The following EXOC7 variants were observed in gnomAD, a reference collection of about 807,000 sequenced individuals.
EXOC7 encodes the protein exocyst complex component 7.
EXOC7 carries 51 observed loss-of-function variants against 87.6 expected under a neutral mutation model. The ratio of observed to expected loss-of-function variants is 0.58; its 90% confidence interval spans 0.46 to 0.73. The LOEUF (loss-of-function observed/expected upper bound fraction) is 0.73, where lower values mean the gene tolerates loss of function less well. Ranked by LOEUF, EXOC7 falls within the 30% of genes least tolerant of loss-of-function variation. EXOC7 has a pLI of 0.00. For missense variants in EXOC7, 744 were observed against 888.4 expected (o/e 0.84, Z 2.07); for synonymous variants, 327 against 357.1 (o/e 0.92, Z 0.95).
chr17:76,081,690 A>G lies in EXOC7; in HGVS notation c.*1958T>C. On this transcript the variant is annotated 3_prime_UTR_variant, in exon 19 of 19. Transcript: ENST00000589210. ...TACAAGGTGACATTGCTGCTGAGTT[A>G]CCTCGTCCTCCACTCCTCCCTGGTG... 6.2e-7 allele frequency: 1 copy of G among 1,613,954 alleles called. No homozygotes were observed. The highest frequency in any genetic ancestry group is 8.5e-7 in the Non-Finnish European group (1 of 1,179,994).
At chr17:76,090,051 T>C (rs1027229333) in intron 7 of EXOC7, among the ~76,000 whole-genome samples, 1 of 152,172 alleles carries the variant, frequency 6.6e-6, no homozygotes, top group African/African-American at 2.4e-5. Context: ...ACGTCAGGGC[T>C]CCCTGCCCTC....
At position 76,103,721 on chromosome 17, in the gene EXOC7, C is replaced by T; in HGVS notation, c.-29G>A. On this transcript the variant is annotated 5_prime_UTR_variant, in exon 1 of 19. Coordinates refer to ENST00000589210, the MANE Select transcript of EXOC7 (RefSeq NM_001013839.4). Reference sequence around the variant, plus strand: ...TCTGAACCCCGCGGCTCCCACTCCCCAGTATCTTTCCTCCGCGGGCCCACC... The same window carrying T: ...TCTGAACCCCGCGGCTCCCACTCCCTAGTATCTTTCCTCCGCGGGCCCACC... 6.3e-7 allele frequency: 1 copy of T among 1,586,526 alleles called. No individual in the cohort carries two copies. The highest frequency in any genetic ancestry group is 2.3e-5 in the East Asian group (1 of 42,768).
chr17:76,094,400 G>A lies in EXOC7; in HGVS notation c.808+14C>T, dbSNP rs1438689974. 1.2e-6 allele frequency: 2 copies of A among 1,609,752 alleles called. No individual in the cohort carries two copies. The highest frequency in any genetic ancestry group is 1.1e-5 in the South Asian group (1 of 90,436). On this transcript the variant is annotated intron_variant, in intron 6 of 18. Coordinates refer to ENST00000589210, the MANE Select transcript of EXOC7 (RefSeq NM_001013839.4). Reference sequence around the variant, plus strand: ...CTCTGGCTGTTGCAGAGATGGGCCAGGATGGGGGCTCACCTGGCCGCTTGA... The same window carrying A: ...CTCTGGCTGTTGCAGAGATGGGCCAAGATGGGGGCTCACCTGGCCGCTTGA...
chr17:76,086,923 G>A, intron 12 of EXOC7: 1 of 1,544,998 alleles, frequency 6.5e-7, no homozygotes, highest in Non-Finnish European at 8.8e-7. Context: ...CACACAGAGG[G>A]GACAGAGGGA....
chr17:76,098,167 T>G (rs2067874145), intron 4 of EXOC7, 149 bp from the exon 5 acceptor site: 1 of 634,528 alleles, frequency 1.6e-6, no homozygotes, highest in Non-Finnish European at 2.7e-6. Flanking sequence ...AGAGGGAGTC[T>G]CGCTCTGTCA....
At position 76,094,509 on chromosome 17, in the gene EXOC7, A is replaced by T. The variant is rs770930076; in HGVS notation, c.713T>A (p.Phe238Tyr). ...CCCAGAGGAAGAACTGCTCTTATGG[A>T]AATGCTCCTTCAGTCCTTTGATGGA... ...DRSIKGLKEHFHKSSSSSGVP... is the reference protein window; with the variant it reads ...DRSIKGLKEHYHKSSSSSGVP... Residue 238 changes from phenylalanine to tyrosine, a missense_variant, in exon 6 of 19, where the codon TTC (phenylalanine) becomes TAC (tyrosine). By Grantham distance (22) the Phe-to-Tyr change is conservative. Transcript: ENST00000589210. The T allele has an allele frequency of 4.3e-6, 7 of 1,614,000 alleles. No homozygotes were observed. In the South Asian group the frequency reaches 7.7e-5, roughly 18 times the overall value.
At chr17:76,083,821 C>T in intron 18 of EXOC7, 71 bp from the exon 19 acceptor site, 1 of 1,553,546 alleles carries the variant, frequency 6.4e-7, no homozygotes, top group Non-Finnish European at 8.9e-7. Flanking sequence ...GCCTAAGGCA[C>T]TCCTGATAGT....
Position 76,089,178 on chromosome 17 carries a change from T to C in EXOC7, c.1044A>G (p.Ile348Met), listed in dbSNP as rs1219125114. 1 of 1,613,204 alleles carries C rather than the reference T, an allele frequency of 6.2e-7. No homozygotes were observed. Among genetic ancestry groups the C allele is most frequent in the South Asian group, 1.1e-5 (1 of 91,052 alleles). Residue 348 changes from isoleucine (I) to methionine (M), a missense_variant, in exon 8 of 19, where the codon ATA (isoleucine) becomes ATG (methionine). By Grantham distance (10) the Ile-to-Met change is conservative. Transcript: ENST00000589210. ...HHQKKTFDSL[I>M]QDALDGLMLE... ...AGCCCCCGGGGCGGGGCGGGACCTGTATCAGGGAGTCGAAGGTCTTCTTCT... is the reference window on the plus strand; with the variant it reads ...AGCCCCCGGGGCGGGGCGGGACCTGCATCAGGGAGTCGAAGGTCTTCTTCT...
At position 76,084,001 on chromosome 17, in the gene EXOC7, C is replaced by T. The variant is rs1443819664; in HGVS notation, c.1952+5G>A. On this transcript the variant is annotated splice_donor_5th_base_variant and intron_variant, in intron 18 of 18. Coordinates refer to ENST00000589210, the MANE Select transcript of EXOC7 (RefSeq NM_001013839.4). ...CACAGGCTGGGAGGGGAATGGAGGC[C>T]TCACTTCTGTAGAAAGGCCCCGTAG... 1.9e-6 allele frequency: 3 copies of T among 1,562,688 alleles called. No homozygotes were observed. In the African/African-American group the frequency reaches 4.1e-5, roughly 21 times the overall value.
At position 76,101,499 on chromosome 17, in the gene EXOC7, C is replaced by G. The variant is rs928173142; in HGVS notation, c.312-123G>C. 6 of 1,437,352 alleles carry G rather than the reference C, an allele frequency of 4.2e-6. No homozygotes were observed. The Admixed American group carries it at 6.9e-5, about 17-fold the overall frequency. The allele number at this position is 1,437,352 out of a possible 1,614,324, so 89.0% of individuals were successfully genotyped here. A position where few individuals can be genotyped will look rare whatever the true frequency, so the allele number is the denominator to read the frequency against. On this transcript the variant is annotated intron_variant, in intron 3 of 18. Coordinates refer to ENST00000589210, the MANE Select transcript of EXOC7 (RefSeq NM_001013839.4). ...CAGGCTCAAATATATTCTATCCCCC[C>G]ACTGCCTTTTAAGGCCTAGGGCTTA...
rs2066999312 is a variant in EXOC7 at position 76,081,950 on chromosome 17, C to G, written c.*1698G>C. ...CATAGAGACTGTGCTGCTGGCTGGGCTGCTGGCCCGGGGCAACCTTGGGGC... is the reference window on the plus strand; with the variant it reads ...CATAGAGACTGTGCTGCTGGCTGGGGTGCTGGCCCGGGGCAACCTTGGGGC... On this transcript the variant is annotated 3_prime_UTR_variant, in exon 19 of 19. Transcript: ENST00000589210. 1.2e-6 allele frequency: 2 copies of G among 1,613,114 alleles called. No homozygotes were observed. The highest frequency in any genetic ancestry group is 1.7e-6 in the Non-Finnish European group (2 of 1,179,884).
chr17:76,086,729 C>A (rs531884960), intron 12 of EXOC7: 99 of 784,212 alleles, frequency 1.3e-4, no homozygotes, highest in African/African-American at 1.3e-3. Context: ...GTTGAGAGCA[C>A]CCCGAGAAAA....
chr17:76,090,512 G>C, intron 7 of EXOC7: 1 of 1,546,680 alleles, frequency 6.5e-7, no homozygotes. Flanking sequence ...CGTCAGATGG[G>C]GATGGGGAAG....
chr17:76,101,371 G>C lies in EXOC7; in HGVS notation c.317C>G (p.Thr106Arg). 2 of 1,614,086 alleles carry C rather than the reference G, an allele frequency of 1.2e-6. No individual in the cohort carries two copies. The highest frequency in any genetic ancestry group is 1.7e-6 in the Non-Finnish European group (2 of 1,179,996). ...TCCCAGGTACTCTTCCAGCCTACCT[G>C]TGGGGCTGGGAAAGAAAAGAGCCAG... ...DTEKIIREGP[T>R]GRLEEYLGSM... Residue 106 changes from threonine (T) to arginine (R), a missense_variant, in exon 4 of 19, where the codon ACA becomes AGA. Coordinates refer to ENST00000589210, the MANE Select transcript of EXOC7 (RefSeq NM_001013839.4).
At position 76,098,028 on chromosome 17, in the gene EXOC7, C is replaced by A. The variant is rs893365109; in HGVS notation, c.418-10G>T. ...GCTCAAAGAGCAGTTTCTGCACAGA[C>A]AACAGAAGGAAGCAGGTGCCTGCTG... is the stretch of plus-strand genomic sequence containing the variant. On this transcript the variant is annotated splice_polypyrimidine_tract_variant and intron_variant, in intron 4 of 18. Coordinates refer to ENST00000589210, the MANE Select transcript of EXOC7 (RefSeq NM_001013839.4). 1.9e-6 allele frequency: 3 copies of A among 1,613,062 alleles called. No individual in the cohort carries two copies. The highest frequency in any genetic ancestry group is 1.3e-5 in the African/African-American group (1 of 74,916).
In EXOC7 at chr17:76,084,005, C is replaced by T. The variant is rs2067092966; in HGVS notation, c.1952+1G>A. 1 of 1,570,034 alleles carries T rather than the reference C, an allele frequency of 6.4e-7. No individual in the cohort carries two copies. The highest frequency in any genetic ancestry group is 8.6e-7 in the Non-Finnish European group (1 of 1,161,618). ...GGCTGGGAGGGGAATGGAGGCCTCA[C>T]TTCTGTAGAAAGGCCCCGTAGGTCT... is the stretch of plus-strand genomic sequence containing the variant. On this transcript the variant is annotated splice_donor_variant, in intron 18 of 18. Transcript: ENST00000589210. LOFTEE classifies it high-confidence loss of function.
chr17:76,095,692 T>C (rs2067716174), intron 5 of EXOC7, among the ~76,000 whole-genome samples: 1 of 152,156 alleles, frequency 6.6e-6, no homozygotes, highest in African/African-American at 2.4e-5. Flanking sequence ...GATGAGTCCA[T>C]CGATTGGCCT....
Position 76,103,344 on chromosome 17 carries a change from G to C in EXOC7, c.126+17C>G, listed in dbSNP as rs775685167. 1.9e-6 allele frequency: 3 copies of C among 1,580,938 alleles called. No homozygotes were observed. Among genetic ancestry groups the C allele is most frequent in the Non-Finnish European group, 2.6e-6 (3 of 1,162,028 alleles). ...GTCCGGAGGCCTGCCCTCTCCCCCA[G>C]CTGCGGGGAGACTCACCATGTTCTT... On this transcript the variant is annotated intron_variant, in intron 2 of 18. Transcript: ENST00000589210.
chr17:76,097,688 A>G (rs2067831446), intron 5 of EXOC7, 108 bp downstream of exon 5: 2 of 745,298 alleles, frequency 2.7e-6, no homozygotes, highest in Non-Finnish European at 4.1e-6. Context: ...TGGGCAACAG[A>G]GCAAGACTCC....
Sources: gnomAD v4.1 joint callset for allele counts (sites outside exome capture counted in the v4.1 genomes callset) on GRCh38, gnomAD v4.1.1 for gene constraint, MANE v1.5 for transcripts, NCBI Gene and HGNC (gene_info 2026-07-23, HGNC 2026-07-21) for gene names.